Variants in HERC2 observed in about 807,000 individuals in gnomAD.
HERC2 encodes the protein HECT and RLD domain containing E3 ubiquitin protein ligase 2, also known as E3 ubiquitin-protein ligase HERC2.
Under a neutral mutation model 537.7 loss-of-function variants are expected in HERC2, and 102 were observed. The observed-to-expected ratio is 0.19, with a 90% CI of 0.16 to 0.22. The LOEUF (loss-of-function observed/expected upper bound fraction) is 0.22, where lower values mean the gene tolerates loss of function less well. Among genes scored for constraint, HERC2 ranks in the 10% least tolerant of loss-of-function variants. The probability of loss-of-function intolerance (pLI) is 1.00; values close to 1 mark genes in which losing one functional copy is unlikely to be tolerated. For missense variants in HERC2, 4,236 were observed against 6,198.2 expected (o/e 0.68, Z 10.63); for synonymous variants, 2,224 against 2,466.2 (o/e 0.90, Z 2.91).
intron 2 of HERC2, among the ~76,000 whole-genome samples, chr15:28,308,846 C>T (rs2076863354): frequency 6.6e-6 from 1 of 152,212 alleles, no homozygotes; most frequent in Non-Finnish European, 1.5e-5. Context: ...TGTATCACAT[C>T]AATTGATTTG....
At position 28,262,953 on chromosome 15, in the gene HERC2, T is replaced by C; in HGVS notation, c.2087A>G (p.His696Arg). Reference sequence around the variant, plus strand: ...TTCTAAGAGTTTTGGATAACGAACATGTTCCTCTGTTCCATGTCCAAGTCT... The same window carrying C: ...TTCTAAGAGTTTTGGATAACGAACACGTTCCTCTGTTCCATGTCCAAGTCT... ...NQRLGHGTEE[H>R]VRYPKLLEGL... Residue 696 changes from histidine (H) to arginine (R), a missense_variant, in exon 15 of 93, where the codon CAT becomes CGT. His to Arg is a conservative substitution (Grantham distance 29). Coordinates refer to ENST00000261609, the MANE Select transcript of HERC2 (RefSeq NM_004667.6). The C allele has an allele frequency of 1.9e-6, 3 of 1,614,218 alleles. No homozygotes were observed. Among genetic ancestry groups the C allele is most frequent in the South Asian group, 1.1e-5 (1 of 91,090 alleles).
chr15:28,233,620 GA>G, intron 28 of HERC2, 43 bp downstream of exon 28: 2 of 1,613,580 alleles, frequency 1.2e-6, no homozygotes, highest in Non-Finnish European at 1.7e-6. Flanking sequence ...GTTAGTCGAG[GA>G]ATCTGCAGTG....
chr15:28,169,603 T>C lies in HERC2; in HGVS notation c.10110A>G (p.Ala3370=). The C allele has an allele frequency of 6.2e-7, 1 of 1,614,012 alleles. No individual in the cohort carries two copies. The change falls in exon 66 of 93, where the codon GCA becomes GCG. Residue 3370 remains alanine, a synonymous_variant. Transcript: ENST00000261609. ...SSAASNKISG[A]SNSKPNRPSL... ...AAGGGCGATTTGGCTTAGAATTACT[T>C]GCACCACTTATTTTATTACTGGCAG...
chr15:28,306,664 G>T (rs1021902514), intron 2 of HERC2, among the ~76,000 whole-genome samples: 2 of 152,180 alleles, frequency 1.3e-5, no homozygotes, highest in African/African-American at 4.8e-5. Context: ...TTCTTTAAAT[G>T]TTTGGTAAAA....
Position 28,283,607 on chromosome 15 carries a change from G to C in HERC2, c.323-3320C>G, listed in dbSNP as rs138471464. Among the ~76,000 whole-genome samples the C allele has an allele frequency of 6.4e-3, 973 of 152,312 alleles. 8 individuals carry two copies. The highest frequency in any genetic ancestry group is 0.022 in the African/African-American group (918 of 41,552). ...AAAGAAAACCCTGGAACTTCTGGAA[G>C]GAGGAGATGACAAGCACACCAACGC... On this transcript the variant is annotated intron_variant, in intron 4 of 92. Transcript: ENST00000261609.
In HERC2 at chr15:28,186,662, G is replaced by A. The variant is rs150853451; in HGVS notation, c.8740C>T (p.Arg2914Cys). 1.2e-4 allele frequency: 188 copies of A among 1,613,862 alleles called. 1 individual carries two copies. Among genetic ancestry groups the A allele is most frequent in the Admixed American group, 9.8e-4 (59 of 59,976 alleles). The change falls in exon 56 of 93, where the codon CGT becomes TGT. Residue 2914 changes from arginine (R) to cysteine (C), a missense_variant. By Grantham distance (180) the Arg-to-Cys change is radical. This residue lies in a region of HERC2 where 606 missense variants were observed against 884.5 expected (regional missense o/e 0.69). Coordinates refer to ENST00000261609, the MANE Select transcript of HERC2 (RefSeq NM_004667.6). ...GCAGCCAAATCTTCCTCTTCTGCACGGATCCGTCCCAGCAGGATGAGACCA... is the reference window on the plus strand; with the variant it reads ...GCAGCCAAATCTTCCTCTTCTGCACAGATCCGTCCCAGCAGGATGAGACCA... ...IHGLILLGRI[R>C]AEEEDLAAVP... is the part of the protein sequence containing the mutation.
At chr15:28,163,424 C>A in intron 68 of HERC2, 139 bp from the exon 69 acceptor site, 1 of 717,228 alleles carries the variant, frequency 1.4e-6, no homozygotes, top group East Asian at 2.8e-5. Flanking sequence ...CCTTAAGAAA[C>A]AGATTAAGAA....
At chr15:28,157,472 G>C (rs548185219) in intron 69 of HERC2, among the ~76,000 whole-genome samples, 7 of 152,210 alleles carry the variant, frequency 4.6e-5, no homozygotes, top group African/African-American at 1.4e-4. Flanking sequence ...TTTAGTCTTG[G>C]GTGGGTGTAT....
At chr15:28,246,658 G>T in intron 22 of HERC2, 84 bp downstream of exon 22, 1 of 1,198,432 alleles carries the variant, frequency 8.3e-7, no homozygotes, top group Non-Finnish European at 1.1e-6. Flanking sequence ...AGTAAATGCA[G>T]GCATGCTGAT....
At chr15:28,173,509 T>G (rs545459911) in intron 65 of HERC2, among the ~76,000 whole-genome samples, 1 of 152,086 alleles carries the variant, frequency 6.6e-6, no homozygotes, top group Non-Finnish European at 1.5e-5. Flanking sequence ...CTGTACAACA[T>G]GCAAACTGGT....
In HERC2 at chr15:28,268,561, T is replaced by C; in HGVS notation, c.1502A>G (p.His501Arg). 6 of 1,614,110 alleles carry C rather than the reference T, an allele frequency of 3.7e-6. No homozygotes were observed. Among genetic ancestry groups the C allele is most frequent in the Non-Finnish European group, 5.1e-6 (6 of 1,179,994 alleles). The change falls in exon 12 of 93, where the codon CAT (histidine) becomes CGT (arginine). Residue 501 changes from histidine (H) to arginine (R), a missense_variant. Around this residue, in one of 27 missense-constraint regions of HERC2, gnomAD observed 754 missense variants for 1,085.0 expected, o/e 0.69. Transcript: ENST00000261609. The surrounding 1 kb of genome is among the most constrained non-coding windows in gnomAD (Gnocchi z 4.7). ...ASRNIVKIAA[H>R]SDGHHYLALA... ...GGCTAGGTAGTGGTGACCATCAGAATGGGCAGCAATTTTTACAATGTTTCT... is the reference window on the plus strand; with the variant it reads ...GGCTAGGTAGTGGTGACCATCAGAACGGGCAGCAATTTTTACAATGTTTCT...
At chr15:28,134,461 A>C (rs1890410505) in intron 79 of HERC2, among the ~76,000 whole-genome samples, 2 of 152,140 alleles carry the variant, frequency 1.3e-5, no homozygotes, top group Admixed American at 1.3e-4. Flanking sequence ...ATTTCTTTGC[A>C]CTGCTGTACC....
At chr15:28,278,682 G>A (rs1052548531) in intron 5 of HERC2, among the ~76,000 whole-genome samples, 1 of 152,106 alleles carries the variant, frequency 6.6e-6, no homozygotes, top group Non-Finnish European at 1.5e-5. Flanking sequence ...TACAAGTACC[G>A]CTCCTGTCTC....
chr15:28,224,125 A>T (rs1160563916), intron 35 of HERC2, among the ~76,000 whole-genome samples: 2 of 138,264 alleles, frequency 1.4e-5, no homozygotes, highest in Non-Finnish European at 1.5e-5. Context: ...TATATAAATT[A>T]AAAAATTATA....
At chr15:28,118,223 A>G (rs1383890955) in intron 86 of HERC2, 1 of 157,974 alleles carries the variant, frequency 6.3e-6, no homozygotes, top group Non-Finnish European at 1.4e-5. Context: ...CTACAAGAAA[A>G]GAACAGGACA....
chr15:28,316,191 CCAACCTGGG>C (rs2141308866), intron 2 of HERC2: 1 of 160,322 alleles, frequency 6.2e-6, no homozygotes, highest in Admixed American at 6.7e-5. Flanking sequence ...CTACTGTACT[CCAACCTGGG>C]CAACAGAGTG....
intron 16 of HERC2, 145 bp from the exon 17 acceptor site, chr15:28,257,406 T>C: frequency 1.6e-6 from 1 of 638,322 alleles, no homozygotes; most frequent in South Asian, 2.2e-5. Context: ...CATTCATGGA[T>C]GTCTAGCTCA....
intron 2 of HERC2, among the ~76,000 whole-genome samples, chr15:28,308,069 T>G (rs2076841088): frequency 6.6e-6 from 1 of 152,206 alleles, no homozygotes. Flanking sequence ...TAGGATTTTT[T>G]TTTTTTCTGT....
intron 69 of HERC2, among the ~76,000 whole-genome samples, chr15:28,159,123 C>T (rs1893313290): frequency 1.3e-5 from 2 of 152,174 alleles, no homozygotes; most frequent in South Asian, 4.1e-4. Context: ...GTCTGATGGG[C>T]TTCCCTTTGT....
Sources: allele counts gnomAD v4.1 joint callset (sites outside exome capture counted in the v4.1 genomes callset), GRCh38; gene constraint gnomAD v4.1.1; regional missense constraint gnomAD v4.1.1; non-coding constraint Gnocchi (gnomAD v3.1); transcripts MANE v1.5; gene names NCBI Gene and HGNC (gene_info 2026-07-23, HGNC 2026-07-21).